PCDH11X: variants seen among roughly 807,000 people sequenced by gnomAD.
PCDH11X encodes protocadherin-11 X-linked.
In PCDH11X, 18 loss-of-function variants were observed where a neutral mutation model predicts 53.3. The observed-to-expected ratio is 0.34, with a 90% CI of 0.23 to 0.50. The LOEUF is 0.50. PCDH11X is among the 20% of genes least tolerant of loss of function. The probability of loss-of-function intolerance (pLI) is 0.98; values close to 1 mark genes in which losing one functional copy is unlikely to be tolerated. For missense variants in PCDH11X, 570 were observed against 1,032.4 expected, an observed-to-expected ratio of 0.55 and a Z score of 6.14; for synonymous variants, 279 against 393.3, an observed-to-expected ratio of 0.71 and a Z score of 3.44.
At chrX:91,791,633 G>A (rs1272497206) in intron 1 of PCDH11X, among the ~76,000 whole-genome samples, 11 of 107,444 alleles carry the variant, frequency 1.0e-4, no homozygotes, top group African/African-American at 3.1e-4. Flanking sequence ...CTGTTTCCAT[G>A]TACCTAATGG....
At chrX:92,108,249 C>T (rs1270654025) in intron 6 of PCDH11X, among the ~76,000 whole-genome samples, 2 of 111,843 alleles carry the variant, frequency 1.8e-5, no homozygotes, top group Non-Finnish European at 3.8e-5. Flanking sequence ...TAGCAATAGA[C>T]TGGCAAGTGC....
intron 10 of PCDH11X, among the ~76,000 whole-genome samples, chrX:92,589,371 T>A (rs1924772413): frequency 9.0e-6 from 1 of 111,562 alleles, no homozygotes; most frequent in South Asian, 3.7e-4. Context: ...AAAATAATAA[T>A]TTAGCAACTT....
chrX:92,616,662 G>A (rs1927998935), intron 10 of PCDH11X, among the ~76,000 whole-genome samples: 2 of 110,026 alleles, frequency 1.8e-5, no homozygotes, highest in African/African-American at 6.6e-5. Context: ...CAGATCATGT[G>A]AGTCCACAAA....
At chrX:92,567,198 A>T (rs761405939) in intron 10 of PCDH11X, among the ~76,000 whole-genome samples, 1 of 105,924 alleles carries the variant, frequency 9.4e-6, no homozygotes, top group South Asian at 4.3e-4. Flanking sequence ...TAAGCATTGA[A>T]TGAATAAATT....
At chrX:92,547,288 G>A (rs1309561358) in intron 10 of PCDH11X, among the ~76,000 whole-genome samples, 4 of 100,473 alleles carry the variant, frequency 4.0e-5, no homozygotes, top group Non-Finnish European at 8.1e-5. Context: ...TTTAGAACAT[G>A]ACATAAAAGA....
intron 10 of PCDH11X, among the ~76,000 whole-genome samples, chrX:92,561,780 G>T (rs2075135047): frequency 9.3e-6 from 1 of 107,044 alleles, no homozygotes; most frequent in Non-Finnish European, 1.9e-5. Flanking sequence ...CCTATCAAAA[G>T]ATATCAGCAT....
chrX:92,129,579 T>A (rs1268142276), intron 6 of PCDH11X, among the ~76,000 whole-genome samples: 1 of 112,054 alleles, frequency 8.9e-6, no homozygotes, highest in African/African-American at 3.2e-5. Flanking sequence ...TAAGCCTGAG[T>A]GTTTTTAAAC....
chrX:92,022,933 A>T, intron 6 of PCDH11X, among the ~76,000 whole-genome samples: 1 of 109,960 alleles, frequency 9.1e-6, no homozygotes, highest in African/African-American at 3.3e-5. Flanking sequence ...AAAATAATGA[A>T]ATCAAGGCAG....
chrX:92,531,804 T>C (rs1030756881), intron 10 of PCDH11X, among the ~76,000 whole-genome samples: 1 of 111,192 alleles, frequency 9.0e-6, no homozygotes, highest in Non-Finnish European at 1.9e-5. Context: ...GACCTAACAG[T>C]ATGCCCAAGG....
chrX:92,363,769 G>A (rs1469685728), intron 8 of PCDH11X, among the ~76,000 whole-genome samples: 3 of 110,915 alleles, frequency 2.7e-5, no homozygotes, highest in Non-Finnish European at 5.7e-5. Flanking sequence ...AGTCACCATT[G>A]AATATGATAT....
Position 92,197,306 on chromosome X carries a change from G to C in PCDH11X, c.3034-4069G>C, listed in dbSNP as rs751527947. Among the ~76,000 whole-genome samples, 12 of 111,770 alleles carry C rather than the reference G, an allele frequency of 1.1e-4. No homozygotes were observed. In the South Asian group the frequency reaches 3.7e-3, roughly 35 times the overall value. ...ATTAAAGAGAGTAGTAATTAACTGA[G>C]AGTTTCTCCTATTTCAGGAAACCTC... On this transcript the variant is annotated intron_variant, in intron 6 of 10. Coordinates refer to ENST00000682573, the MANE Select transcript of PCDH11X (RefSeq NM_032968.5).
intron 8 of PCDH11X, among the ~76,000 whole-genome samples, chrX:92,301,911 G>A (rs1257416717): frequency 1.8e-5 from 2 of 110,972 alleles, no homozygotes; most frequent in East Asian, 2.8e-4. Context: ...TGAACTGGCC[G>A]ACTTCTCTGT....
intron 10 of PCDH11X, among the ~76,000 whole-genome samples, chrX:92,492,993 C>T (rs2073793415): frequency 9.0e-6 from 1 of 111,207 alleles, no homozygotes; most frequent in Middle Eastern, 4.7e-3. Flanking sequence ...CTTGAGAGCC[C>T]GTTATTTAAT....
At chrX:91,958,834 C>T (rs1259222043) in intron 6 of PCDH11X, among the ~76,000 whole-genome samples, 1 of 108,092 alleles carries the variant, frequency 9.3e-6, no homozygotes, top group Non-Finnish European at 1.9e-5. Flanking sequence ...TAAACTGTTA[C>T]TTGTTCTTCT....
At chrX:92,348,074 C>A (rs911057140) in intron 8 of PCDH11X, among the ~76,000 whole-genome samples, 9 of 111,331 alleles carry the variant, frequency 8.1e-5, no homozygotes, top group African/African-American at 2.9e-4. Flanking sequence ...TATTATAGAA[C>A]CCACTCCATT....
intron 10 of PCDH11X, among the ~76,000 whole-genome samples, chrX:92,588,372 G>GTATATATATATA (rs35507950): frequency 1.0e-5 from 1 of 97,785 alleles, no homozygotes; most frequent in African/African-American, 3.8e-5. Context: ...GTGTGTGTGT[G>GTATATATATATA]TATATATATA....
chrX:91,821,930 A>C (rs1229991888), intron 4 of PCDH11X, among the ~76,000 whole-genome samples: 5 of 99,440 alleles, frequency 5.0e-5, no homozygotes, highest in Non-Finnish European at 9.6e-5. Context: ...TATTGAGATA[A>C]TCATGTGGTT....
At chrX:92,109,130 A>G (rs938660318) in intron 6 of PCDH11X, among the ~76,000 whole-genome samples, 1 of 111,234 alleles carries the variant, frequency 9.0e-6, no homozygotes, top group African/African-American at 3.3e-5. Context: ...CATGCCTGTA[A>G]TCCCAGCACT....
intron 6 of PCDH11X, among the ~76,000 whole-genome samples, chrX:91,952,154 G>A (rs1302956552): frequency 4.4e-4 from 49 of 111,473 alleles, no homozygotes; most frequent in Middle Eastern, 4.7e-3. Context: ...TATCTGTTCC[G>A]TATCAAAAAA....
Sources: allele counts gnomAD v4.1 joint callset (sites outside exome capture counted in the v4.1 genomes callset), GRCh38; gene constraint gnomAD v4.1.1; transcripts MANE v1.5; gene names NCBI Gene and HGNC (gene_info 2026-07-23, HGNC 2026-07-21).